Variants in TIAM2 observed in about 807,000 individuals in gnomAD.
TIAM2 encodes the protein TIAM Rac1 associated GEF 2, also known as rho guanine nucleotide exchange factor TIAM2.
In TIAM2, 80 loss-of-function variants were observed where a neutral mutation model predicts 152.9. The observed-to-expected ratio is 0.52, with a 90% CI of 0.44 to 0.63. The LOEUF (loss-of-function observed/expected upper bound fraction) is 0.63, where lower values mean the gene tolerates loss of function less well. TIAM2 is among the 30% of genes least tolerant of loss of function. TIAM2 has a pLI of 0.00. For missense variants in TIAM2, 1,965 were observed against 2,120.1 expected, an observed-to-expected ratio of 0.93 and a Z score of 1.44; for synonymous variants, 804 against 838.0, an observed-to-expected ratio of 0.96 and a Z score of 0.70.
intron 1 of TIAM2, among the ~76,000 whole-genome samples, chr6:155,047,683 AGAGAG>A (rs1224202383): frequency 3.5e-5 from 1 of 28,862 alleles, no homozygotes; most frequent in Non-Finnish European, 1.0e-4. Context: ...AGAGAGAGAG[AGAGAG>A]GAGAGAGAGA....
chr6:155,100,180 G>C (rs1778523645), intron 2 of TIAM2, among the ~76,000 whole-genome samples: 3 of 152,228 alleles, frequency 2.0e-5, no homozygotes, highest in Non-Finnish European at 2.9e-5. Flanking sequence ...GAGACAGGCA[G>C]AGCAGAAGTT....
intron 1 of TIAM2, among the ~76,000 whole-genome samples, chr6:155,068,200 A>G (rs17085911): frequency 0.072 from 11,008 of 151,974 alleles, 541 homozygotes; most frequent in East Asian, 0.21. Flanking sequence ...CTCCCTTCAC[A>G]TTTGGCGTGT....
At position 155,129,819 on chromosome 6, in the gene TIAM2, G is replaced by T; in HGVS notation, c.596G>T (p.Arg199Met). 6.2e-7 allele frequency: 1 copy of T among 1,613,674 alleles called. No individual in the cohort carries two copies. ...EDCSEPVQLL[R>M]YSPTLASETS... ...TGCAGTGAGCCGGTGCAGCTGCTGAGGTACTCACCTACCTTAGCATCGGAA... is the reference window on the plus strand; with the variant it reads ...TGCAGTGAGCCGGTGCAGCTGCTGATGTACTCACCTACCTTAGCATCGGAA... The change falls in exon 4 of 27, where the codon AGG becomes ATG. Residue 199 changes from arginine (R) to methionine (M), a missense_variant. Around this residue, in one of 3 missense-constraint regions of TIAM2, gnomAD observed 1,025 missense variants for 1,119.4 expected, o/e 0.92. Coordinates refer to ENST00000682666, the MANE Select transcript of TIAM2 (RefSeq NM_012454.4). The surrounding 1 kb of genome is among the most constrained non-coding windows in gnomAD (Gnocchi z 4.8).
In TIAM2 at chr6:155,240,654, A is replaced by C. The variant is rs1337369872; in HGVS notation, c.3293A>C (p.Asp1098Ala). The C allele has an allele frequency of 2.5e-6, 4 of 1,613,980 alleles. No individual in the cohort carries two copies. Among genetic ancestry groups the C allele is most frequent in the Non-Finnish European group, 3.4e-6 (4 of 1,180,038 alleles). ...CTGGCCCGCCACCTGTCTGATGCAG[A>C]CCGCCTCCGCAAAGTCATCCAGGAG... ...RSLARHLSDA[D>A]RLRKVIQELV... The change falls in exon 16 of 27, where the codon GAC becomes GCC. Residue 1098 changes from aspartate to alanine, a missense_variant. Asp to Ala is a moderately radical substitution (Grantham distance 126, BLOSUM62 -2). This residue lies in a region of TIAM2 where 935 missense variants were observed against 980.0 expected (regional missense o/e 0.95). Coordinates refer to ENST00000682666, the MANE Select transcript of TIAM2 (RefSeq NM_012454.4).
At chr6:155,197,364 A>T (rs1055384002) in intron 14 of TIAM2, among the ~76,000 whole-genome samples, 8 of 152,196 alleles carry the variant, frequency 5.3e-5, no homozygotes, top group Non-Finnish European at 1.0e-4. Flanking sequence ...TTATTTGAAC[A>T]TTTATTGAAT....
At chr6:155,038,616 C>T (rs772608211) in intron 1 of TIAM2, among the ~76,000 whole-genome samples, 3 of 152,152 alleles carry the variant, frequency 2.0e-5, no homozygotes, top group Non-Finnish European at 4.4e-5. Flanking sequence ...GATGAAAATA[C>T]TAGACTTTGA....
intron 1 of TIAM2, among the ~76,000 whole-genome samples, chr6:155,036,112 G>A (rs1407112874): frequency 2.0e-5 from 3 of 152,108 alleles, no homozygotes; most frequent in African/African-American, 7.2e-5. Context: ...GACTCTAAAA[G>A]ATACCCCAAA....
intron 2 of TIAM2, among the ~76,000 whole-genome samples, chr6:155,099,881 G>T (rs888291763): frequency 6.6e-6 from 1 of 152,214 alleles, no homozygotes; most frequent in African/African-American, 2.4e-5. Context: ...ATATGGCATA[G>T]CCTATGCTCC....
chr6:155,033,983 T>C (rs995362471), intron 1 of TIAM2, among the ~76,000 whole-genome samples: 5 of 151,044 alleles, frequency 3.3e-5, no homozygotes, highest in East Asian at 4.0e-4. Context: ...TCCCAAAGTG[T>C]TGGGATTACA....
At chr6:155,112,372 G>A (rs922208509) in intron 2 of TIAM2, among the ~76,000 whole-genome samples, 3 of 151,860 alleles carry the variant, frequency 2.0e-5, no homozygotes, top group Non-Finnish European at 2.9e-5. Flanking sequence ...TGATCTGCCC[G>A]CCTCAGCCTC....
chr6:155,087,466 C>T lies in TIAM2; in HGVS notation c.-208-2823C>T, dbSNP rs528219569. Among the ~76,000 whole-genome samples the T allele has an allele frequency of 4.6e-5, 7 of 152,108 alleles. No individual in the cohort carries two copies. The East Asian group carries it at 5.8e-4, about 13-fold the overall frequency. On this transcript the variant is annotated intron_variant, in intron 1 of 26. Coordinates refer to ENST00000682666, the MANE Select transcript of TIAM2 (RefSeq NM_012454.4). Reference sequence around the variant, plus strand: ...TCTTATCATTTGAAAATATTTTTTTCGGCTGGGTGCAGTGGCTCACGCCTG... The same window carrying T: ...TCTTATCATTTGAAAATATTTTTTTTGGCTGGGTGCAGTGGCTCACGCCTG...
intron 12 of TIAM2, among the ~76,000 whole-genome samples, chr6:155,181,133 C>T (rs761021464): frequency 1.3e-4 from 20 of 152,132 alleles, no homozygotes; most frequent in Non-Finnish European, 2.5e-4. Context: ...ACAGCAGAGA[C>T]CTAGGGAACA....
At chr6:155,254,718 C>A in intron 26 of TIAM2, 145 bp downstream of exon 26, 1 of 1,034,436 alleles carries the variant, frequency 9.7e-7, no homozygotes, top group Non-Finnish European at 1.4e-6. Context: ...CTAAACATGC[C>A]TCTTGCTCCC....
intron 7 of TIAM2, among the ~76,000 whole-genome samples, chr6:155,149,476 T>C (rs1023298944): frequency 1.3e-5 from 2 of 152,262 alleles, no homozygotes; most frequent in African/African-American, 4.8e-5. Context: ...AAAAAAAATT[T>C]CATGGTAACA....
intron 15 of TIAM2, among the ~76,000 whole-genome samples, chr6:155,239,633 A>C (rs765173830): frequency 8.5e-5 from 13 of 152,198 alleles, no homozygotes; most frequent in Non-Finnish European, 1.2e-4. Context: ...GCTTGTGCCA[A>C]AGGCCAGTGG....
At chr6:155,256,229 T>G in intron 26 of TIAM2, 1 of 597,030 alleles carries the variant, frequency 1.7e-6, no homozygotes, top group South Asian at 2.1e-5. Flanking sequence ...GTTTCTAGTG[T>G]CTAGTTCTAT....
At chr6:155,219,300 A>C (rs1372705146) in intron 15 of TIAM2, among the ~76,000 whole-genome samples, 1 of 152,036 alleles carries the variant, frequency 6.6e-6, no homozygotes, top group African/African-American at 2.4e-5. Flanking sequence ...AAATAAAAAT[A>C]GTGTATGTTA....
intron 1 of TIAM2, among the ~76,000 whole-genome samples, chr6:154,996,296 A>G (rs1778210742): frequency 6.6e-6 from 1 of 152,128 alleles, no homozygotes; most frequent in Non-Finnish European, 1.5e-5. Context: ...AAAATAGACA[A>G]ATAGGTTAAC....
intron 5 of TIAM2, among the ~76,000 whole-genome samples, chr6:155,143,758 C>A (rs1207188469): frequency 6.6e-6 from 1 of 152,122 alleles, no homozygotes; most frequent in Non-Finnish European, 1.5e-5. Context: ...GAGTTCACAT[C>A]CCTGCTGCTC....
Sources: allele counts gnomAD v4.1 joint callset (sites outside exome capture counted in the v4.1 genomes callset), GRCh38; gene constraint gnomAD v4.1.1; regional missense constraint gnomAD v4.1.1; non-coding constraint Gnocchi (gnomAD v3.1); transcripts MANE v1.5; gene names NCBI Gene and HGNC (gene_info 2026-07-23, HGNC 2026-07-21).